Variants in KCND2 observed in about 807,000 individuals in gnomAD.
KCND2 encodes potassium voltage-gated channel subfamily D member 2, also known as A-type voltage-gated potassium channel KCND2.
Under a neutral mutation model 54.4 loss-of-function variants are expected in KCND2, and 16 were observed. The observed-to-expected ratio is 0.29, with a 90% CI of 0.20 to 0.45. KCND2 has a LOEUF of 0.45. Among genes scored for constraint, KCND2 ranks in the 20% least tolerant of loss-of-function variants. The pLI is 1.00. For missense variants in KCND2, 486 were observed against 824.2 expected, an observed-to-expected ratio of 0.59 and a Z score of 5.02; for synonymous variants, 317 against 310.7, an observed-to-expected ratio of 1.02 and a Z score of -0.21.
Position 120,677,647 on chromosome 7 carries a change from A to G in KCND2, c.1116-55256A>G, listed in dbSNP as rs192108453. The stretch of plus-strand genomic sequence containing the variant: ...TTATAGAAATCTGAATATCCAGAAG[A>G]TAGAACATAGGATCCCCTCCTTCTG... On this transcript the variant is annotated intron_variant, in intron 1 of 5. Coordinates refer to ENST00000331113, the MANE Select transcript of KCND2 (RefSeq NM_012281.3). Among the ~76,000 whole-genome samples the G allele has an allele frequency of 8.2e-4, 124 of 151,780 alleles. 2 individuals are homozygous for G. Among genetic ancestry groups the G allele is most frequent in the African/African-American group, 3.0e-3 (123 of 41,498 alleles).
At chr7:120,295,114 A>G (rs545600761) in intron 1 of KCND2, among the ~76,000 whole-genome samples, 1 of 152,016 alleles carries the variant, frequency 6.6e-6, no homozygotes, top group African/African-American at 2.4e-5. Flanking sequence ...AGCAGTAAGA[A>G]TTCGTATTGA....
intron 1 of KCND2, among the ~76,000 whole-genome samples, chr7:120,439,871 G>C (rs2116190737): frequency 6.6e-6 from 1 of 151,882 alleles, no homozygotes; most frequent in Middle Eastern, 3.4e-3. Context: ...GTTCCATTTT[G>C]TATATCTACA....
chr7:120,629,748 T>C (rs1793210067), intron 1 of KCND2, among the ~76,000 whole-genome samples: 1 of 152,140 alleles, frequency 6.6e-6, no homozygotes, highest in African/African-American at 2.4e-5. Context: ...GACCAAATTC[T>C]GGATATATTT....
At chr7:120,551,056 G>A (rs1792099472) in intron 1 of KCND2, among the ~76,000 whole-genome samples, 1 of 152,108 alleles carries the variant, frequency 6.6e-6, no homozygotes, top group Non-Finnish European at 1.5e-5. Context: ...GTTCAATATA[G>A]CCTCATGGCT....
intron 1 of KCND2, among the ~76,000 whole-genome samples, chr7:120,443,119 G>A (rs1801966479): frequency 6.6e-6 from 1 of 151,814 alleles, no homozygotes; most frequent in Admixed American, 6.6e-5. Context: ...GAGAACCTGG[G>A]GTGTGTTCTC....
At chr7:120,680,384 G>A (rs1792123911) in intron 1 of KCND2, among the ~76,000 whole-genome samples, 1 of 151,910 alleles carries the variant, frequency 6.6e-6, no homozygotes, top group Non-Finnish European at 1.5e-5. Flanking sequence ...TGTGATATTC[G>A]TGATACCAGA....
At chr7:120,604,370 G>A (rs1446280606) in intron 1 of KCND2, among the ~76,000 whole-genome samples, 11 of 150,702 alleles carry the variant, frequency 7.3e-5, no homozygotes, top group Non-Finnish European at 1.2e-4. Flanking sequence ...GAAGTAGCTG[G>A]GCAAGTAGTC....
intron 2 of KCND2, among the ~76,000 whole-genome samples, chr7:120,734,758 T>G (rs1249089274): frequency 6.6e-6 from 1 of 152,142 alleles, no homozygotes; most frequent in Non-Finnish European, 1.5e-5. Flanking sequence ...TTAAAAAATA[T>G]CCAAAACCAT....
At chr7:120,609,826 G>C (rs57009964) in intron 1 of KCND2, among the ~76,000 whole-genome samples, 2,469 of 152,228 alleles carry the variant, frequency 0.016, 57 homozygotes, top group African/African-American at 0.055. Flanking sequence ...TCAACCAAGT[G>C]TGGGGCTCTT....
In KCND2 at chr7:120,274,682, T is replaced by C; in HGVS notation, c.50T>C (p.Ile17Thr). 1 of 1,614,054 alleles carries C rather than the reference T, an allele frequency of 6.2e-7. No individual in the cohort carries two copies. Among genetic ancestry groups the C allele is most frequent in the Non-Finnish European group, 8.5e-7 (1 of 1,180,018 alleles). Reference protein sequence around the residue: ...AWLPFARAAAIGWMPVASGPM... With the variant: ...AWLPFARAAATGWMPVASGPM... ...CTGCCTTTTGCAAGGGCAGCGGCTA[T>C]CGGGTGGATGCCTGTGGCCTCGGGG... is the stretch of plus-strand genomic sequence containing the variant. Residue 17 changes from isoleucine to threonine, a missense_variant, in exon 1 of 6, where the codon ATC becomes ACC. Ile to Thr is a moderately conservative substitution (Grantham distance 89, BLOSUM62 -1). This residue lies in a region of KCND2 where 231 missense variants were observed against 386.0 expected (regional missense o/e 0.60). Coordinates refer to ENST00000331113, the MANE Select transcript of KCND2 (RefSeq NM_012281.3).
At position 120,747,826 on chromosome 7, in the gene KCND2, G is replaced by A. The variant is rs2116195911; in HGVS notation, c.1861G>A (p.Gly621Arg). The A allele has an allele frequency of 2.5e-6, 4 of 1,612,382 alleles. No individual in the cohort carries two copies. The East Asian group carries it at 6.7e-5, about 27-fold the overall frequency. Residue 621 changes from glycine to arginine, a missense_variant, in exon 6 of 6, where the codon GGA (glycine) becomes AGA (arginine). Physicochemically the swap from Gly to Arg is moderately radical, Grantham distance 125. Coordinates refer to ENST00000331113, the MANE Select transcript of KCND2 (RefSeq NM_012281.3). Reference sequence around the variant, plus strand: ...TAGGCCAGAATCCCCTGAGTACTCAGGAGGAAATATTGTCAGAGTTTCTGC... The same window carrying A: ...TAGGCCAGAATCCCCTGAGTACTCAAGAGGAAATATTGTCAGAGTTTCTGC... ...DDRPESPEYS[G>R]GNIVRVSAL
intron 1 of KCND2, among the ~76,000 whole-genome samples, chr7:120,439,859 G>C (rs1160948046): frequency 2.0e-5 from 3 of 151,850 alleles, no homozygotes; most frequent in Non-Finnish European, 4.4e-5. Context: ...TGTCTAAATA[G>C]TGTTCCATTT....
intron 1 of KCND2, among the ~76,000 whole-genome samples, chr7:120,459,518 C>T (rs1220079850): frequency 1.3e-5 from 2 of 152,080 alleles, no homozygotes; most frequent in Non-Finnish European, 2.9e-5. Context: ...TCTTTTATAT[C>T]ATTTATTTAT....
chr7:120,293,748 C>T lies in KCND2; in HGVS notation c.1115+18001C>T, dbSNP rs142841736. 1.1e-3 allele frequency among the ~76,000 whole-genome samples: 160 copies of T among 151,932 alleles called. 1 individual carries two copies. The highest frequency in any genetic ancestry group is 3.7e-3 in the African/African-American group (155 of 41,498). On this transcript the variant is annotated intron_variant, in intron 1 of 5. Transcript: ENST00000331113. ...TCTTTGATTATATATTAATCTACAA[C>T]GTGTTACCTTTATTTTACAGTGAAA...
chr7:120,280,878 C>G (rs1799249947), intron 1 of KCND2, among the ~76,000 whole-genome samples: 1 of 152,048 alleles, frequency 6.6e-6, no homozygotes, highest in Admixed American at 6.6e-5. Flanking sequence ...GCTATTTATT[C>G]TATTAATGTA....
intron 1 of KCND2, among the ~76,000 whole-genome samples, chr7:120,420,617 A>AG (rs1336381692): frequency 6.6e-6 from 1 of 152,126 alleles, no homozygotes; most frequent in African/African-American, 2.4e-5. Context: ...GGTGAGGAGT[A>AG]GGGGGAAGGG....
chr7:120,335,125 G>T (rs182147276), intron 1 of KCND2, among the ~76,000 whole-genome samples: 1 of 152,206 alleles, frequency 6.6e-6, no homozygotes, highest in African/African-American at 2.4e-5. Context: ...AGCACTTTGG[G>T]AGGCCAAGGT....
intron 1 of KCND2, among the ~76,000 whole-genome samples, chr7:120,395,910 A>G (rs1349207035): frequency 6.6e-6 from 1 of 151,944 alleles, no homozygotes; most frequent in Non-Finnish European, 1.5e-5. Context: ...GGTGACCAGA[A>G]AAAGACTCCT....
chr7:120,361,038 A>G (rs1391305149), intron 1 of KCND2, among the ~76,000 whole-genome samples: 4 of 152,120 alleles, frequency 2.6e-5, no homozygotes, highest in Admixed American at 6.6e-5. Context: ...GTACACACAC[A>G]TATGATAAGA....
Sources: allele counts gnomAD v4.1 joint callset (sites outside exome capture counted in the v4.1 genomes callset), GRCh38; gene constraint gnomAD v4.1.1; regional missense constraint gnomAD v4.1.1; transcripts MANE v1.5; gene names NCBI Gene and HGNC (gene_info 2026-07-23, HGNC 2026-07-21).